The following TET3 variants were observed in gnomAD, a reference collection of about 807,000 sequenced individuals.
TET3 encodes tet methylcytosine dioxygenase 3.
In TET3, 19 loss-of-function variants were observed where a neutral mutation model predicts 141.4. The observed-to-expected ratio is 0.13, with a 90% CI of 0.09 to 0.20. TET3 has a LOEUF of 0.20. Among genes scored for constraint, TET3 ranks in the 10% least tolerant of loss-of-function variants. The pLI is 1.00. For missense variants in TET3, 1,874 were observed against 2,356.9 expected (o/e 0.80, Z 4.24); for synonymous variants, 1,043 against 980.9 (o/e 1.06, Z -1.18).
intron 3 of TET3, among the ~76,000 whole-genome samples, chr2:74,034,082 G>A (rs1214781686): frequency 6.6e-6 from 1 of 150,858 alleles, no homozygotes; most frequent in East Asian, 2.0e-4. Context: ...GGCAACAAGA[G>A]CAACACTCTG....
At chr2:74,010,036 C>A (rs899911130) in intron 3 of TET3, among the ~76,000 whole-genome samples, 4 of 152,260 alleles carry the variant, frequency 2.6e-5, no homozygotes, top group Admixed American at 1.3e-4. Flanking sequence ...GCCCTGTGGC[C>A]TTTCCTCCCA....
intron 2 of TET3, chr2:74,002,882 G>A (rs1684938217): frequency 3.5e-6 from 2 of 570,354 alleles, no homozygotes; most frequent in Admixed American, 6.1e-5. Context: ...GGGATTCTCA[G>A]AGGAGAAATG....
downstream of TET3, among the ~76,000 whole-genome samples, chr2:74,112,825 A>G (rs1435081544): frequency 6.6e-6 from 1 of 151,698 alleles, no homozygotes; most frequent in Non-Finnish European, 1.5e-5. Context: ...ACACGGTGAA[A>G]GCCCGTCTCT....
the TET3 span, among the ~76,000 whole-genome samples, chr2:74,114,151 A>G: frequency 1.3e-5 from 2 of 152,224 alleles, no homozygotes; most frequent in Admixed American, 6.5e-5. Context: ...ACTAATCCAC[A>G]TACTTACAGA....
the TET3 span, among the ~76,000 whole-genome samples, chr2:74,117,377 T>C: frequency 6.6e-6 from 1 of 151,226 alleles, no homozygotes. Context: ...ATGCCCGGCC[T>C]ATTTTATTAT....
At chr2:74,109,625 G>A (rs898503147), downstream of TET3, among the ~76,000 whole-genome samples, 12 of 152,160 alleles carry the variant, frequency 7.9e-5, no homozygotes, top group Non-Finnish European at 1.0e-4. Flanking sequence ...GCTGAGAAGC[G>A]TTGCAGTAAA....
rs889326561 is a variant in TET3, at chr2:74,093,448, C to T, written c.3130-81C>T. 1.4e-6 allele frequency: 2 copies of T among 1,473,874 alleles called. No homozygotes were observed. The highest frequency in any genetic ancestry group is 1.4e-5 in the African/African-American group (1 of 71,264). The allele number at this position is 1,473,874 out of a possible 1,614,324, so 91.3% of individuals were successfully genotyped here. A position where few individuals can be genotyped will look rare whatever the true frequency, so the allele number is the denominator to read the frequency against. ...CTATCATCCTTAACATCCCTCCTTCCAAGACCTGGCCTCCCCAGGTGCAGA... is the reference window on the plus strand; with the variant it reads ...CTATCATCCTTAACATCCCTCCTTCTAAGACCTGGCCTCCCCAGGTGCAGA... On this transcript the variant is annotated intron_variant, in intron 9 of 11. Transcript: ENST00000409262. This position sits in a 1 kb window ranked among gnomAD's most constrained non-coding sequence, Gnocchi z 4.2.
At chr2:74,049,704 G>T (rs1687836349) in intron 4 of TET3, among the ~76,000 whole-genome samples, 1 of 152,100 alleles carries the variant, frequency 6.6e-6, no homozygotes, top group Non-Finnish European at 1.5e-5. Context: ...CTGGGATGTT[G>T]TTTCCCGGTC....
intron 7 of TET3, 91 bp from the exon 8 acceptor site, chr2:74,089,806 G>A: frequency 6.6e-7 from 1 of 1,519,688 alleles, no homozygotes; most frequent in Non-Finnish European, 8.9e-7. Context: ...TGGGTGCCAG[G>A]GCTCAGCAGG....
At chr2:74,128,983 G>T in the TET3 span, among the ~76,000 whole-genome samples, 2 of 98,924 alleles carry the variant, frequency 2.0e-5, no homozygotes, top group Non-Finnish European at 3.6e-5. Context: ...CAGAGATCCT[G>T]TCTCAATTTA....
At chr2:73,994,729 C>G (rs1684503604) in intron 2 of TET3, among the ~76,000 whole-genome samples, 1 of 149,590 alleles carries the variant, frequency 6.7e-6, no homozygotes, top group African/African-American at 2.5e-5. Context: ...CCTCTGCCTC[C>G]CAGGTTCGAG....
At chr2:74,075,717 A>G (rs1300727473) in intron 5 of TET3, among the ~76,000 whole-genome samples, 1 of 152,152 alleles carries the variant, frequency 6.6e-6, no homozygotes, top group African/African-American at 2.4e-5. Flanking sequence ...AAAAGGTAAG[A>G]TACATGGAGG....
chr2:74,129,951 C>T, the TET3 span, among the ~76,000 whole-genome samples: 2 of 151,978 alleles, frequency 1.3e-5, no homozygotes, highest in African/African-American at 2.4e-5. Flanking sequence ...AAAAATTAGC[C>T]GGGCTTGGTG....
At chr2:74,086,812 A>AT (rs386390481) in intron 6 of TET3, among the ~76,000 whole-genome samples, 1 of 151,610 alleles carries the variant, frequency 6.6e-6, no homozygotes, top group Non-Finnish European at 1.5e-5. Flanking sequence ...AAAAAAAAAA[A>AT]AGTTTGTGTA....
chr2:73,999,207 A>G (rs955579869), intron 2 of TET3, among the ~76,000 whole-genome samples: 2 of 152,124 alleles, frequency 1.3e-5, no homozygotes, highest in African/African-American at 4.8e-5. Context: ...AAAATCGTAG[A>G]GCAACACAGA....
chr2:74,026,803 A>G (rs1412114621), intron 3 of TET3, among the ~76,000 whole-genome samples: 2 of 149,062 alleles, frequency 1.3e-5, no homozygotes, highest in Non-Finnish European at 2.9e-5. Context: ...GACTCTACCC[A>G]GGGAATCAGC....
chr2:74,123,630 G>A, the TET3 span, among the ~76,000 whole-genome samples: 24 of 152,152 alleles, frequency 1.6e-4, no homozygotes, highest in Admixed American at 4.6e-4. Context: ...CCAGCCGCCT[G>A]CCTTGGCCTC....
rs1033023704 is a variant in TET3, at chr2:74,106,321, G to A, written c.*4145G>A. 1 of 152,474 alleles carries A rather than the reference G, an allele frequency of 6.6e-6. No individual in the cohort carries two copies. Among genetic ancestry groups the A allele is most frequent in the African/African-American group, 2.4e-5 (1 of 41,418 alleles). The allele number at this position is 152,474 out of a possible 1,614,324, so 9.4% of individuals were successfully genotyped here. A position where few individuals can be genotyped will look rare whatever the true frequency, so the allele number is the denominator to read the frequency against. Reference sequence around the variant, plus strand: ...TTCTCAGGCTTGATGTGAAAGAAAGGGCGAAGGGTTTTTTGAGTTTTTGTT... The same window carrying A: ...TTCTCAGGCTTGATGTGAAAGAAAGAGCGAAGGGTTTTTTGAGTTTTTGTT... On this transcript the variant is annotated 3_prime_UTR_variant, in exon 12 of 12. Transcript: ENST00000409262.
At position 74,074,230 on chromosome 2, in the gene TET3, A is replaced by G. The variant is rs143492526; in HGVS notation, c.2585+591A>G. 3.2e-4 allele frequency among the ~76,000 whole-genome samples: 49 copies of G among 152,300 alleles called. No individual in the cohort carries two copies. In the East Asian group the frequency reaches 8.5e-3, roughly 26 times the overall value. ...TATCCTGGGTTCACATTGTACGTTT[A>G]TCCAAGAAGTCCTGGTTCCTTTTAT... is the stretch of plus-strand genomic sequence containing the variant. On this transcript the variant is annotated intron_variant, in intron 5 of 11. Coordinates refer to ENST00000409262, the MANE Select transcript of TET3 (RefSeq NM_001287491.2).
Sources: allele counts gnomAD v4.1 joint callset (sites outside exome capture counted in the v4.1 genomes callset), GRCh38; gene constraint gnomAD v4.1.1; non-coding constraint Gnocchi (gnomAD v3.1); transcripts MANE v1.5; gene names NCBI Gene and HGNC (gene_info 2026-07-23, HGNC 2026-07-21).